Variants in LRRC69 observed in about 807,000 individuals in gnomAD.
The protein encoded by LRRC69 is leucine-rich repeat-containing protein 69.
LRRC69 carries 42 observed loss-of-function variants against 37.8 expected under a neutral mutation model. The observed-to-expected ratio is 1.11, with a 90% CI of 0.87 to 1.44. The LOEUF (loss-of-function observed/expected upper bound fraction) is 1.44. Ranked by LOEUF, LRRC69 falls within the 40% of genes most tolerant of loss-of-function variation. The pLI, the probability that LRRC69 is intolerant of heterozygous loss-of-function variation, is 0.00. For missense variants in LRRC69, 357 were observed against 401.9 expected (o/e 0.89, Z 0.96); for synonymous variants, 141 against 143.1 (o/e 0.99, Z 0.11).
chr8:91,153,676 G>A (rs1808781734), intron 5 of LRRC69, among the ~76,000 whole-genome samples: 1 of 151,888 alleles, frequency 6.6e-6, no homozygotes, highest in African/African-American at 2.4e-5. Context: ...TGAGAACAAA[G>A]AGACAATGTA....
intron 4 of LRRC69, among the ~76,000 whole-genome samples, chr8:91,133,564 A>G (rs1258914516): frequency 6.6e-6 from 1 of 152,106 alleles, no homozygotes; most frequent in Non-Finnish European, 1.5e-5. Flanking sequence ...GCAATGATTA[A>G]ATTTTTTACT....
chr8:91,127,095 A>G lies in LRRC69; in HGVS notation c.318A>G (p.Leu106=), dbSNP rs143324443. Reference sequence around the variant, plus strand: ...AAAATTATTTTCTAACAGATGGCTTACAAAATTTAATCCTGCTTAATCTGA... The same window carrying G: ...AAAATTATTTTCTAACAGATGGCTTGCAAAATTTAATCCTGCTTAATCTGA... Residue 106 remains leucine, a synonymous_variant, in exon 3 of 8, where the codon TTA becomes TTG. Coordinates refer to ENST00000448384, the Ensembl canonical transcript of LRRC69. 4.1e-4 allele frequency: 634 copies of G among 1,547,210 alleles called. 1 individual carries two copies. In the African/African-American group the frequency reaches 8.0e-3, roughly 20 times the overall value.
chr8:91,191,040 A>ACCCCCC (rs1563619102), intron 6 of LRRC69, among the ~76,000 whole-genome samples: 1 of 80,450 alleles, frequency 1.2e-5, no homozygotes, highest in Non-Finnish European at 2.7e-5. Flanking sequence ...TCCTGTCTCA[A>ACCCCCC]ACCCCCCCCC....
intron 5 of LRRC69, among the ~76,000 whole-genome samples, chr8:91,149,478 G>T (rs1808687983): frequency 6.6e-6 from 1 of 152,032 alleles, no homozygotes; most frequent in African/African-American, 2.4e-5. Flanking sequence ...TGCTGTTTTG[G>T]TTACTGTAGC....
At chr8:91,171,959 T>TTAA in intron 5 of LRRC69, among the ~76,000 whole-genome samples, 1 of 150,832 alleles carries the variant, frequency 6.6e-6, no homozygotes, top group Admixed American at 6.6e-5. Flanking sequence ...GTTTTTTTTT[T>TTAA]AAAAAATGGA....
chr8:91,215,449 A>G (rs2130653662), intron 7 of LRRC69, among the ~76,000 whole-genome samples: 1 of 152,274 alleles, frequency 6.6e-6, no homozygotes, highest in South Asian at 2.1e-4. Flanking sequence ...TCTCAATTCT[A>G]CCATTCAACA....
At chr8:91,193,095 T>C (rs1433020157) in intron 6 of LRRC69, among the ~76,000 whole-genome samples, 1 of 143,784 alleles carries the variant, frequency 7.0e-6, no homozygotes, top group Non-Finnish European at 1.5e-5. Flanking sequence ...CACCATTTAT[T>C]AAATAGGGAA....
downstream of LRRC69, chr8:91,219,165 C>T: frequency 5.1e-6 from 2 of 393,828 alleles, no homozygotes; most frequent in Non-Finnish European, 9.0e-6. Flanking sequence ...GCACTACAAT[C>T]TGCCTTCAGC....
intron 5 of LRRC69, among the ~76,000 whole-genome samples, chr8:91,172,760 G>A (rs550241981): frequency 4.1e-4 from 62 of 152,024 alleles, no homozygotes; most frequent in African/African-American, 1.2e-3. Flanking sequence ...TGATCAGCCC[G>A]CCTCAGCCTC....
chr8:91,159,499 C>T (rs1808898538), intron 5 of LRRC69, among the ~76,000 whole-genome samples: 1 of 151,084 alleles, frequency 6.6e-6, no homozygotes, highest in African/African-American at 2.4e-5. Flanking sequence ...TAAATGAAGA[C>T]ACATGGTTGT....
intron 1 of LRRC69, among the ~76,000 whole-genome samples, chr8:91,116,523 C>T (rs1229766885): frequency 7.4e-6 from 1 of 134,690 alleles, no homozygotes; most frequent in African/African-American, 2.5e-5. Context: ...TGTGTGTGAG[C>T]ATATGTGTCT....
At chr8:91,102,933 A>G (rs902664941) in intron 1 of LRRC69, 89 bp downstream of exon 1, 1 of 1,224,224 alleles carries the variant, frequency 8.2e-7, no homozygotes, top group Non-Finnish European at 1.1e-6. Flanking sequence ...GAACAATAAC[A>G]CTTCGATCTA....
At chr8:91,120,050 GCTT>G (rs747268110) in intron 1 of LRRC69, among the ~76,000 whole-genome samples, 41 of 151,886 alleles carry the variant, frequency 2.7e-4, no homozygotes, top group Non-Finnish European at 4.9e-4. Flanking sequence ...GGGAACTCCA[GCTT>G]CTTCTTCATT....
chr8:91,107,672 G>T (rs1813341488), intron 1 of LRRC69, among the ~76,000 whole-genome samples: 1 of 151,780 alleles, frequency 6.6e-6, no homozygotes, highest in Non-Finnish European at 1.5e-5. Flanking sequence ...AGGGGGTAGG[G>T]GTTCTTTAGT....
chr8:91,147,513 T>C (rs1357918839), intron 5 of LRRC69, among the ~76,000 whole-genome samples: 1 of 151,464 alleles, frequency 6.6e-6, no homozygotes, highest in Non-Finnish European at 1.5e-5. Flanking sequence ...TAAGCTATCT[T>C]CCCACTTCAG....
intron 5 of LRRC69, among the ~76,000 whole-genome samples, chr8:91,144,896 A>G (rs1355273099): frequency 6.6e-6 from 1 of 151,964 alleles, no homozygotes; most frequent in Non-Finnish European, 1.5e-5. Flanking sequence ...TTATTTTTGG[A>G]TGATTCTCAT....
At chr8:91,151,898 A>G (rs1162019761) in intron 5 of LRRC69, among the ~76,000 whole-genome samples, 1 of 151,560 alleles carries the variant, frequency 6.6e-6, no homozygotes, top group Non-Finnish European at 1.5e-5. Context: ...ATGATCAGTG[A>G]TGTTGAGCTT....
intron 3 of LRRC69, 34 bp downstream of exon 3, chr8:91,127,194 TCGTGCC>T: frequency 6.8e-7 from 1 of 1,474,846 alleles, no homozygotes; most frequent in Non-Finnish European, 9.3e-7. Context: ...TGGTTAACAA[TCGTGCC>T]CCTCCTCTAT....
At chr8:91,139,398 A>C (rs1046770337) in intron 5 of LRRC69, among the ~76,000 whole-genome samples, 1 of 151,860 alleles carries the variant, frequency 6.6e-6, no homozygotes, top group Non-Finnish European at 1.5e-5. Context: ...AAAAATTAGC[A>C]GGGCGTGGTG....
Sources: gnomAD v4.1 joint callset for allele counts (sites outside exome capture counted in the v4.1 genomes callset) on GRCh38, gnomAD v4.1.1 for gene constraint, MANE v1.5 for transcripts, NCBI Gene and HGNC (gene_info 2026-07-23, HGNC 2026-07-21) for gene names.